ASRGL1: variants seen among roughly 807,000 people sequenced by gnomAD.
The protein encoded by ASRGL1 is asparaginase and isoaspartyl peptidase 1.
A neutral mutation model predicts 22.4 loss-of-function variants in ASRGL1; 16 were observed. The observed-to-expected ratio is 0.71, with a 90% CI of 0.48 to 1.08. The LOEUF (loss-of-function observed/expected upper bound fraction) is 1.08, where lower values mean the gene tolerates loss of function less well. Among genes scored for constraint, ASRGL1 ranks in the 50% least tolerant of loss-of-function variants. The pLI is 0.00. For missense variants in ASRGL1, 412 were observed against 410.1 expected (o/e 1.00, Z -0.04); for synonymous variants, 165 against 159.3 (o/e 1.04, Z -0.27).
chr11:62,355,670 G>A (rs1187901013), intron 2 of ASRGL1, among the ~76,000 whole-genome samples: 1 of 150,060 alleles, frequency 6.7e-6, no homozygotes, highest in Non-Finnish European at 1.5e-5. Context: ...TTCTCGCAGA[G>A]GGGGATTTGG....
At chr11:62,388,824 C>A (rs946714162) in intron 4 of ASRGL1, among the ~76,000 whole-genome samples, 64 of 152,176 alleles carry the variant, frequency 4.2e-4, no homozygotes, top group African/African-American at 1.4e-3. Context: ...TTGAGAAGCA[C>A]TCTTACTTTT....
chr11:62,372,142 T>G, intron 4 of ASRGL1: 2 of 861,418 alleles, frequency 2.3e-6, no homozygotes, highest in Non-Finnish European at 4.0e-6. Context: ...GGGGTCGAAA[T>G]GAGAAGGCGC....
chr11:62,350,663 G>A (rs987014167), intron 2 of ASRGL1, among the ~76,000 whole-genome samples: 1 of 152,110 alleles, frequency 6.6e-6, no homozygotes, highest in Non-Finnish European at 1.5e-5. Flanking sequence ...GGGCGTGGTG[G>A]CACATACCTA....
chr11:62,382,614 G>A (rs1472125029), intron 4 of ASRGL1: 1 of 151,774 alleles, frequency 6.6e-6, no homozygotes, highest in East Asian at 1.9e-4. Flanking sequence ...ACTGCAAAGA[G>A]GCCTTCCTCT....
chr11:62,352,915 GT>G (rs1946200909), intron 2 of ASRGL1, among the ~76,000 whole-genome samples: 1 of 152,106 alleles, frequency 6.6e-6, no homozygotes, highest in Non-Finnish European at 1.5e-5. Context: ...ATGTCTTTGT[GT>G]TTAGTCCTAT....
intron 4 of ASRGL1, among the ~76,000 whole-genome samples, chr11:62,362,731 A>G (rs1254299561): frequency 3.6e-5 from 2 of 55,550 alleles, no homozygotes; most frequent in Non-Finnish European, 7.9e-5. Context: ...TTATATATAA[A>G]ATATAATATA....
chr11:62,360,323 C>T (rs568432660), intron 4 of ASRGL1, among the ~76,000 whole-genome samples: 15 of 151,358 alleles, frequency 9.9e-5, no homozygotes, highest in Non-Finnish European at 1.6e-4. Flanking sequence ...CCACCATGCC[C>T]GGCCAACTTT....
At chr11:62,352,915 G>A (rs148061590) in intron 2 of ASRGL1, among the ~76,000 whole-genome samples, 114 of 152,224 alleles carry the variant, frequency 7.5e-4, no homozygotes, top group East Asian at 7.3e-3. Context: ...ATGTCTTTGT[G>A]TTTAGTCCTA....
At position 62,337,527 on chromosome 11, in the gene ASRGL1, GCTCGACCCAGCTTGAGGT is replaced by G. The variant is rs1945749150; in HGVS notation, c.-131_-114del. The G allele has an allele frequency of 1.2e-5, 2 of 160,074 alleles. No homozygotes were observed. The highest frequency in any genetic ancestry group is 1.3e-4 in the Admixed American group (2 of 15,558). 9.9% of individuals were successfully genotyped at this position (160,074 alleles called of 1,614,324 possible). On this transcript the variant is annotated 5_prime_UTR_variant, in exon 1 of 7. Coordinates refer to ENST00000415229, the MANE Select transcript of ASRGL1 (RefSeq NM_001083926.2). ...GCGGTACCGGGCGGCTGCGGGGCTG[GCTCGACCCAGCTTGAGGT>G]CTCGGCGTCCGCGTCCTGCGGTGCC...
At chr11:62,357,272 C>T (rs1463434621) in intron 4 of ASRGL1, 128 bp downstream of exon 4, 17 of 231,440 alleles carry the variant, frequency 7.3e-5, no homozygotes, top group East Asian at 9.5e-5. Context: ...TTGTTTGACA[C>T]GGAGTCTCTC....
intron 4 of ASRGL1, among the ~76,000 whole-genome samples, chr11:62,370,199 T>A (rs1421953359): frequency 6.6e-6 from 1 of 152,212 alleles, no homozygotes; most frequent in African/African-American, 2.4e-5. Context: ...GACACAGGGA[T>A]CCACACGCCT....
chr11:62,397,958 G>A, downstream of ASRGL1, among the ~76,000 whole-genome samples: 1 of 152,012 alleles, frequency 6.6e-6, no homozygotes, highest in Non-Finnish European at 1.5e-5. Context: ...GGCACTGCTT[G>A]CTGGGTAGTT....
At chr11:62,356,941 A>T (rs753224835) in intron 3 of ASRGL1, 46 bp from the exon 4 acceptor site, 2 of 1,556,028 alleles carry the variant, frequency 1.3e-6, no homozygotes, top group African/African-American at 1.4e-5. Flanking sequence ...AAAAAGATTT[A>T]AAATTTTCAA....
intron 4 of ASRGL1, among the ~76,000 whole-genome samples, chr11:62,378,433 C>T (rs141405181): frequency 1.1e-4 from 16 of 151,734 alleles, no homozygotes; most frequent in African/African-American, 3.9e-4. Context: ...ATTAAGCATT[C>T]CCTGAGGTAA....
At chr11:62,396,973 C>T (rs1947439308), downstream of ASRGL1, among the ~76,000 whole-genome samples, 1 of 152,172 alleles carries the variant, frequency 6.6e-6, no homozygotes, top group South Asian at 2.1e-4. Context: ...CGGCCTCATG[C>T]CTGCCCGCCT....
At chr11:62,352,581 C>G (rs1031606636) in intron 2 of ASRGL1, among the ~76,000 whole-genome samples, 6 of 152,076 alleles carry the variant, frequency 3.9e-5, no homozygotes, top group African/African-American at 1.4e-4. Context: ...GAAACTGTGT[C>G]TAAAAAAAAG....
chr11:62,345,283 T>C (rs1490426562), intron 2 of ASRGL1, among the ~76,000 whole-genome samples: 1 of 152,170 alleles, frequency 6.6e-6, no homozygotes, highest in African/African-American at 2.4e-5. Context: ...TTTGAGGAAC[T>C]CAGGGTTGTT....
Position 62,393,270 on chromosome 11 carries a change from T to C in ASRGL1, c.*986T>C, listed in dbSNP as rs1006904863. 6.6e-6 allele frequency: 1 copy of C among 152,174 alleles called. No homozygotes were observed. Among genetic ancestry groups the C allele is most frequent in the African/African-American group, 2.4e-5 (1 of 41,428 alleles). The allele number at this position is 152,174 out of a possible 1,614,324, so 9.4% of individuals were successfully genotyped here. The stretch of plus-strand genomic sequence containing the variant: ...TTTCCTCGGTGGGCAGTATTCCTCT[T>C]TATCTCTCATTACACTGGAAATGTT... On this transcript the variant is annotated 3_prime_UTR_variant, in exon 7 of 7. Transcript: ENST00000415229.
chr11:62,398,493 C>G, the ASRGL1 span, among the ~76,000 whole-genome samples: 1 of 152,230 alleles, frequency 6.6e-6, no homozygotes, highest in Non-Finnish European at 1.5e-5. Flanking sequence ...ACATTTACCT[C>G]GGGCATAGAA....
Sources: gnomAD v4.1 joint callset for allele counts (sites outside exome capture counted in the v4.1 genomes callset) on GRCh38, gnomAD v4.1.1 for gene constraint, MANE v1.5 for transcripts, NCBI Gene and HGNC (gene_info 2026-07-23, HGNC 2026-07-21) for gene names.